The following PCDHGA1 variants were observed in gnomAD, a reference collection of about 807,000 sequenced individuals.
PCDHGA1 encodes the protein protocadherin gamma subfamily A, 1.
In PCDHGA1, 32 loss-of-function variants were observed where a neutral mutation model predicts 58.0. The ratio of observed to expected loss-of-function variants is 0.55; its 90% CI spans 0.42 to 0.74. PCDHGA1 has a LOEUF of 0.74. PCDHGA1 is among the 30% of genes least tolerant of loss of function. The probability of loss-of-function intolerance (pLI) is 0.00; values close to 1 mark genes in which losing one functional copy is unlikely to be tolerated. For missense variants in PCDHGA1, 1,205 were observed against 1,182.3 expected, an observed-to-expected ratio of 1.02 and a Z score of -0.28; for synonymous variants, 498 against 501.1, an observed-to-expected ratio of 0.99 and a Z score of 0.08.
Position 141,332,353 on chromosome 5 carries a change from G to A in PCDHGA1, c.1669G>A (p.Asp557Asn). 1.2e-6 allele frequency: 2 copies of A among 1,614,150 alleles called. No homozygotes were observed. The highest frequency in any genetic ancestry group is 1.1e-5 in the South Asian group (1 of 91,078). Residue 557 changes from aspartate to asparagine, a missense_variant, in exon 1 of 4, where the codon GAC becomes AAC. Transcript: ENST00000517417. The surrounding 1 kb of genome is among the most constrained non-coding windows in gnomAD (Gnocchi z 4.6). ...CAGCCTATTCCTGCTGGACCAGAAC[G>A]ACAACGCGCCCGAGATCCTGTACCC... ...SLSLFLLDQN[D>N]NAPEILYPAL...
chr5:141,403,069 A>T (rs747569947), intron 1 of PCDHGA1: 10 of 1,613,954 alleles, frequency 6.2e-6, no homozygotes, highest in Non-Finnish European at 7.6e-6. Context: ...CTGAAGAGAC[A>T]GAAAAGGGCT....
intron 2 of PCDHGA1, among the ~76,000 whole-genome samples, chr5:141,502,186 CA>C (rs1470455379): frequency 1.3e-5 from 2 of 152,148 alleles, no homozygotes; most frequent in Non-Finnish European, 2.9e-5. Context: ...AACATTAATA[CA>C]ATAATATAGA....
At chr5:141,423,147 G>A (rs545052756) in intron 1 of PCDHGA1, 4 of 1,613,578 alleles carry the variant, frequency 2.5e-6, no homozygotes, top group African/African-American at 2.7e-5. Context: ...ACGCGCTCAA[G>A]CAGAGCCTCG....
At chr5:141,419,717 G>A (rs1159633605) in intron 1 of PCDHGA1, 3 of 1,613,236 alleles carry the variant, frequency 1.9e-6, no homozygotes, top group Non-Finnish European at 2.5e-6. Flanking sequence ...CTTCAGCCTG[G>A]GGCTGCGAAC....
intron 1 of PCDHGA1, chr5:141,375,485 G>A (rs1478417043): frequency 6.2e-7 from 1 of 1,613,794 alleles, no homozygotes; most frequent in Non-Finnish European, 8.5e-7. Flanking sequence ...CAACCCCAGG[G>A]GTGCCTCCAT....
At chr5:141,346,007 C>A (rs1757680844) in intron 1 of PCDHGA1, 2 of 1,613,382 alleles carry the variant, frequency 1.2e-6, no homozygotes, top group African/African-American at 2.7e-5. Context: ...CCGCCACTGT[C>A]ACGCTCACCG....
At chr5:141,413,230 C>A in intron 1 of PCDHGA1, 1 of 1,613,942 alleles carries the variant, frequency 6.2e-7, no homozygotes. Context: ...CGGGCTGGTC[C>A]TGCTCTGCCT....
chr5:141,362,774 C>A, intron 1 of PCDHGA1: 2 of 610,798 alleles, frequency 3.3e-6, no homozygotes, highest in Non-Finnish European at 5.5e-6. Flanking sequence ...AGATATTGCA[C>A]TGTATTTCTT....
chr5:141,330,671 G>A lies in PCDHGA1; in HGVS notation c.-14G>A. 1 of 1,589,216 alleles carries A rather than the reference G, an allele frequency of 6.3e-7. No individual in the cohort carries two copies. ...TGGTACTGGACTGGAAGAAAACTAC[G>A]AAGTGAGAGAGCCATGAAGATTCAG... is the stretch of plus-strand genomic sequence containing the variant. On this transcript the variant is annotated 5_prime_UTR_variant, in exon 1 of 4. Coordinates refer to ENST00000517417, the MANE Select transcript of PCDHGA1 (RefSeq NM_018912.3).
At chr5:141,360,983 A>G in intron 1 of PCDHGA1, 2 of 1,613,804 alleles carry the variant, frequency 1.2e-6, no homozygotes, top group Non-Finnish European at 1.7e-6. Flanking sequence ...TCCTTTCATA[A>G]TGTGGACGAA....
intron 1 of PCDHGA1, chr5:141,403,819 T>A (rs1264553327): frequency 1.2e-6 from 2 of 1,613,784 alleles, no homozygotes; most frequent in Admixed American, 3.3e-5. Flanking sequence ...AAAAACAATC[T>A]CTGCTATTCC....
At chr5:141,360,319 C>A (rs1761531908) in intron 1 of PCDHGA1, 2 of 1,613,782 alleles carry the variant, frequency 1.2e-6, no homozygotes, top group African/African-American at 2.7e-5. Flanking sequence ...CCGGGACTTG[C>A]CAGCCCGGAA....
chr5:141,351,684 C>G, intron 1 of PCDHGA1: 3 of 1,613,988 alleles, frequency 1.9e-6, no homozygotes, highest in Non-Finnish European at 2.5e-6. Context: ...GCCTCCGACC[C>G]GGATTTGGGA....
At chr5:141,398,866 T>TAC (rs775997367) in intron 1 of PCDHGA1, 28 of 1,613,844 alleles carry the variant, frequency 1.7e-5, no homozygotes, top group Non-Finnish European at 8.5e-7. Flanking sequence ...CCGAGACGTG[T>TAC]ACAGAGTCAG....
intron 1 of PCDHGA1, among the ~76,000 whole-genome samples, chr5:141,347,344 G>A (rs1358530482): frequency 1.3e-5 from 2 of 151,822 alleles, no homozygotes; most frequent in Non-Finnish European, 2.9e-5. Flanking sequence ...TGTAGAGATG[G>A]GGCAATTGCT....
rs369204878 is a variant in PCDHGA1, at chr5:141,345,264, G to A, written c.2421+12159G>A. 11 of 1,613,796 alleles carry A rather than the reference G, an allele frequency of 6.8e-6. No homozygotes were observed. The highest frequency in any genetic ancestry group is 6.7e-5 in the African/African-American group (5 of 74,872). On this transcript the variant is annotated intron_variant, in intron 1 of 3. Transcript: ENST00000517417. ...CCGCTTAGTGACGGCCACATCCCTG[G>A]ACCGCGAACAAATATCAGAATATAA... is the stretch of plus-strand genomic sequence containing the variant.
rs199973289 is a variant in PCDHGA1, at chr5:141,393,414, G to A, written c.2421+60309G>A. On this transcript the variant is annotated intron_variant, in intron 1 of 3. Transcript: ENST00000517417. ...AGAGCTGGTGCTGGAGCGCGCCCTG[G>A]ACAGGGAGGAAGAGGCTGCTCACCA... 7 of 1,614,038 alleles carry A rather than the reference G, an allele frequency of 4.3e-6. No individual in the cohort carries two copies. In the East Asian group the frequency reaches 1.3e-4, roughly 31 times the overall value.
chr5:141,371,310 G>T, intron 1 of PCDHGA1: 2 of 1,613,992 alleles, frequency 1.2e-6, no homozygotes, highest in Non-Finnish European at 1.7e-6. Flanking sequence ...CACTATTGGA[G>T]AACTGGACTT....
Position 141,330,632 on chromosome 5 carries a change from A to G in PCDHGA1, c.-53A>G, listed in dbSNP as rs764953019. The G allele has an allele frequency of 1.5e-4, 224 of 1,513,034 alleles. No homozygotes were observed. Among genetic ancestry groups the G allele is most frequent in the Non-Finnish European group, 1.9e-4 (218 of 1,128,902 alleles). The allele number at this position is 1,513,034 out of a possible 1,614,324, so 93.7% of individuals were successfully genotyped here. On this transcript the variant is annotated 5_prime_UTR_variant, in exon 1 of 4. Transcript: ENST00000517417. ...TGGGTTAATTTCAGCTCAGAAAAGCAGAAACGATACCCTTGGTACTGGACT... is the reference window on the plus strand; with the variant it reads ...TGGGTTAATTTCAGCTCAGAAAAGCGGAAACGATACCCTTGGTACTGGACT...
Sources: allele counts gnomAD v4.1 joint callset (sites outside exome capture counted in the v4.1 genomes callset), GRCh38; gene constraint gnomAD v4.1.1; non-coding constraint Gnocchi (gnomAD v3.1); transcripts MANE v1.5; gene names NCBI Gene and HGNC (gene_info 2026-07-23, HGNC 2026-07-21).